GREB1L: variants seen among roughly 807,000 people sequenced by gnomAD.
GREB1L encodes the protein GREB1-like protein.
A neutral mutation model predicts 200.8 loss-of-function variants in GREB1L; 17 were observed. The observed-to-expected ratio is 0.08, with a 90% confidence interval of 0.06 to 0.13. The LOEUF (loss-of-function observed/expected upper bound fraction) is 0.13. Ranked by LOEUF, GREB1L falls within the 10% of genes least tolerant of loss-of-function variation. GREB1L has a pLI of 1.00. For missense variants in GREB1L, 1,657 were observed against 2,367.7 expected (o/e 0.70, Z 6.23); for synonymous variants, 789 against 893.0 (o/e 0.88, Z 2.08).
Position 21,499,954 on chromosome 18 carries a change from C to T in GREB1L, c.3617C>T (p.Ser1206Leu), listed in dbSNP as rs1347377328. The T allele has an allele frequency of 7.1e-6, 11 of 1,551,040 alleles. No individual in the cohort carries two copies. In the East Asian group the frequency reaches 7.3e-5, roughly 10 times the overall value. ...ACCTCCAAGCCGTCATCATCATCCT[C>T]AGGACCCAGGACCCTCCCATGGCCG... Reference protein sequence around the residue: ...STTSKPSSSSSGPRTLPWPGQ... With the variant: ...STTSKPSSSSLGPRTLPWPGQ... The change falls in exon 22 of 33, where the codon TCA becomes TTA. Residue 1206 changes from serine (S) to leucine (L), a missense_variant. Coordinates refer to ENST00000424526, the MANE Select transcript of GREB1L (RefSeq NM_001142966.3).
At chr18:21,468,173 G>A (rs1485192558) in intron 15 of GREB1L, among the ~76,000 whole-genome samples, 9 of 152,118 alleles carry the variant, frequency 5.9e-5, no homozygotes, top group Admixed American at 5.9e-4. Flanking sequence ...TAAATAAAAT[G>A]TGGTATATCC....
intron 1 of GREB1L, among the ~76,000 whole-genome samples, chr18:21,267,315 G>A (rs1224688403): frequency 6.6e-6 from 1 of 151,446 alleles, no homozygotes; most frequent in African/African-American, 2.4e-5. Flanking sequence ...CTGAGTAGCT[G>A]GGATTACAGG....
chr18:21,277,075 C>A (rs1285911349), intron 1 of GREB1L, among the ~76,000 whole-genome samples: 2 of 152,002 alleles, frequency 1.3e-5, no homozygotes, highest in Non-Finnish European at 2.9e-5. Flanking sequence ...ACTGCAGGCA[C>A]CCACCACCAC....
rs1267705669 is a variant in GREB1L, at chr18:21,332,666, GT to G, written c.-119-33357del. Among the ~76,000 whole-genome samples, 3 of 152,074 alleles carry G rather than the reference GT, an allele frequency of 2.0e-5. No individual in the cohort carries two copies. The East Asian group carries it at 5.9e-4, about 30-fold the overall frequency. ...ATTTTTATATTTTTAGTAGAGGTGG[GT>G]TTTCACCATGTTGCCCAGGCTGATC... On this transcript the variant is annotated intron_variant, in intron 1 of 32. Transcript: ENST00000424526.
At chr18:21,450,970 C>G (rs2034492978) in intron 12 of GREB1L, 53 bp from the exon 13 acceptor site, 1 of 1,512,300 alleles carries the variant, frequency 6.6e-7, no homozygotes, top group South Asian at 1.2e-5. Flanking sequence ...AAGTAATGTT[C>G]CAGCAACATT....
At chr18:21,407,632 T>G (rs1598776126) in intron 7 of GREB1L, among the ~76,000 whole-genome samples, 1 of 152,340 alleles carries the variant, frequency 6.6e-6, no homozygotes, top group African/African-American at 2.4e-5. Flanking sequence ...TAAAATATTT[T>G]AAACTTCATA....
At chr18:21,388,907 C>G (rs2040667496) in intron 4 of GREB1L, among the ~76,000 whole-genome samples, 1 of 152,018 alleles carries the variant, frequency 6.6e-6, no homozygotes, top group Non-Finnish European at 1.5e-5. Flanking sequence ...AGGAAGATCA[C>G]AGAGGTAAAT....
intron 5 of GREB1L, among the ~76,000 whole-genome samples, chr18:21,396,876 C>T (rs982976316): frequency 9.2e-5 from 14 of 152,118 alleles, no homozygotes; most frequent in African/African-American, 3.1e-4. Flanking sequence ...TTTTCTACTG[C>T]TGCCATTTCT....
At chr18:21,436,427 A>T (rs1256242269) in intron 7 of GREB1L, among the ~76,000 whole-genome samples, 1 of 152,132 alleles carries the variant, frequency 6.6e-6, no homozygotes, top group Non-Finnish European at 1.5e-5. Context: ...TGAGACCAAG[A>T]GTTCCAGACC....
chr18:21,286,031 T>G (rs1352803387), intron 1 of GREB1L, among the ~76,000 whole-genome samples: 1 of 152,202 alleles, frequency 6.6e-6, no homozygotes, highest in African/African-American at 2.4e-5. Flanking sequence ...AATAGGACAA[T>G]AATTTTATAA....
chr18:21,281,697 G>A (rs1452025281), intron 1 of GREB1L, among the ~76,000 whole-genome samples: 2 of 152,060 alleles, frequency 1.3e-5, no homozygotes, highest in Non-Finnish European at 2.9e-5. Context: ...TCATTTTTGT[G>A]TGTCTCAAAG....
chr18:21,444,425 T>G lies in GREB1L; in HGVS notation c.1393+16T>G, dbSNP rs2034091948. ...GTGCGGCTGGGTAAGTCATTTTCCATAATCATTTGCTGGTGACTACTTTTG... is the reference window on the plus strand; with the variant it reads ...GTGCGGCTGGGTAAGTCATTTTCCAGAATCATTTGCTGGTGACTACTTTTG... On this transcript the variant is annotated intron_variant, in intron 11 of 32. Transcript: ENST00000424526. 1.3e-6 allele frequency: 2 copies of G among 1,542,506 alleles called. No individual in the cohort carries two copies. The highest frequency in any genetic ancestry group is 4.0e-5 in the Admixed American group (2 of 50,242).
At chr18:21,314,284 G>A (rs534926133) in intron 1 of GREB1L, among the ~76,000 whole-genome samples, 1 of 152,304 alleles carries the variant, frequency 6.6e-6, no homozygotes, top group African/African-American at 2.4e-5. Context: ...GATCTCAGAT[G>A]TGATGGAAGA....
intron 1 of GREB1L, among the ~76,000 whole-genome samples, chr18:21,269,110 G>A (rs2038038216): frequency 6.6e-6 from 1 of 152,122 alleles, no homozygotes; most frequent in Admixed American, 6.5e-5. Context: ...TACGTGTACT[G>A]TAATGCCTGG....
At chr18:21,278,387 A>AAAAAAAAT (rs1555624380) in intron 1 of GREB1L, among the ~76,000 whole-genome samples, 18 of 139,380 alleles carry the variant, frequency 1.3e-4, no homozygotes, top group East Asian at 4.0e-4. Context: ...TCTCAAAAAA[A>AAAAAAAAT]AAAAATAAAT....
chr18:21,295,661 C>T (rs1263454205), intron 1 of GREB1L, among the ~76,000 whole-genome samples: 4 of 152,178 alleles, frequency 2.6e-5, no homozygotes, highest in South Asian at 2.1e-4. Context: ...TAAACAACAC[C>T]TGCTTCAAGG....
In GREB1L at chr18:21,488,079, C is replaced by T. The variant is rs534019879; in HGVS notation, c.2691-1933C>T. On this transcript the variant is annotated intron_variant, in intron 18 of 32. Coordinates refer to ENST00000424526, the MANE Select transcript of GREB1L (RefSeq NM_001142966.3). ...CAGCACTTTGGGAGGCTGAGGTGGG[C>T]GGATCACCTGAGGTCAGGAGTTTGA... Among the ~76,000 whole-genome samples the T allele has an allele frequency of 1.4e-4, 20 of 146,920 alleles. No homozygotes were observed. In the South Asian group the frequency reaches 3.1e-3, roughly 23 times the overall value.
At chr18:21,261,284 G>T (rs994463165) in intron 1 of GREB1L, among the ~76,000 whole-genome samples, 1 of 151,884 alleles carries the variant, frequency 6.6e-6, no homozygotes, top group Non-Finnish European at 1.5e-5. Context: ...AAACTTCCAG[G>T]AGCAATTCTT....
At chr18:21,454,803 T>A in intron 15 of GREB1L, 2 of 517,034 alleles carry the variant, frequency 3.9e-6, no homozygotes, top group Non-Finnish European at 7.0e-6. Flanking sequence ...ATTAAGTTCA[T>A]GATGTAATCT....
Sources: allele counts gnomAD v4.1 joint callset (sites outside exome capture counted in the v4.1 genomes callset), GRCh38; gene constraint gnomAD v4.1.1; transcripts MANE v1.5; gene names NCBI Gene and HGNC (gene_info 2026-07-23, HGNC 2026-07-21).